The following NBEA variants were observed in gnomAD, a reference collection of about 807,000 sequenced individuals.
NBEA encodes lysosomal-trafficking regulator 2.
Under a neutral mutation model 343.4 loss-of-function variants are expected in NBEA, and 44 were observed. The observed-to-expected ratio is 0.13, with a 90% confidence interval of 0.10 to 0.16. The LOEUF (loss-of-function observed/expected upper bound fraction) is 0.16, where lower values mean the gene tolerates loss of function less well. Ranked by LOEUF, NBEA falls within the 10% of genes least tolerant of loss-of-function variation. The pLI, the probability that NBEA is intolerant of heterozygous loss-of-function variation, is 1.00. For synonymous variants in NBEA, 1,175 were observed against 1,238.7 expected, an observed-to-expected ratio of 0.95 and a Z score of 1.08; for missense variants, 2,555 against 3,631.3, an observed-to-expected ratio of 0.70 and a Z score of 7.62.
intron 46 of NBEA, among the ~76,000 whole-genome samples, chr13:35,586,465 A>T (rs2081295195): frequency 6.6e-6 from 1 of 152,178 alleles, no homozygotes; most frequent in Non-Finnish European, 1.5e-5. Context: ...AACAAACCCA[A>T]ATCTTACTTT....
At chr13:35,558,264 A>G (rs1270045934) in intron 44 of NBEA, among the ~76,000 whole-genome samples, 2 of 152,172 alleles carry the variant, frequency 1.3e-5, no homozygotes, top group African/African-American at 2.4e-5. Context: ...AAGTATTGGA[A>G]TGTATAAAAT....
chr13:35,309,683 A>G, intron 36 of NBEA, 91 bp downstream of exon 36: 1 of 658,190 alleles, frequency 1.5e-6, no homozygotes, highest in Non-Finnish European at 2.5e-6. Flanking sequence ...CCAAAAATGT[A>G]GAAGAAAATG....
At chr13:35,211,030 A>G in intron 32 of NBEA, 23 bp from the exon 33 acceptor site, 1 of 1,543,418 alleles carries the variant, frequency 6.5e-7, no homozygotes, top group South Asian at 1.2e-5. Flanking sequence ...GTTTAAGGCT[A>G]AAAATTATTA....
At chr13:35,118,769 T>C (rs1174432768) in intron 16 of NBEA, among the ~76,000 whole-genome samples, 8 of 152,030 alleles carry the variant, frequency 5.3e-5, no homozygotes, top group African/African-American at 1.9e-4. Context: ...AAGGCACATT[T>C]TACCAAAAGA....
At chr13:35,242,189 T>G (rs764289672) in intron 34 of NBEA, among the ~76,000 whole-genome samples, 10 of 151,872 alleles carry the variant, frequency 6.6e-5, no homozygotes, top group South Asian at 2.1e-4. Flanking sequence ...GAAAAGGTTT[T>G]ATGAACACAA....
chr13:35,028,152 T>C lies in NBEA; in HGVS notation c.295-12781T>C, dbSNP rs1262699640. ...GTTCAAGAAAAAATTTAAGGTATTG[T>C]AATTCCTTTGCCTTTCATATAAAGT... On this transcript the variant is annotated intron_variant, in intron 1 of 58. Coordinates refer to ENST00000379939, the MANE Select transcript of NBEA (RefSeq NM_001385012.1). Among the ~76,000 whole-genome samples, 5 of 151,936 alleles carry C rather than the reference T, an allele frequency of 3.3e-5. No homozygotes were observed. In the East Asian group the frequency reaches 9.6e-4, roughly 29 times the overall value.
chr13:35,562,525 A>G (rs1466903896), intron 44 of NBEA, among the ~76,000 whole-genome samples: 1 of 152,054 alleles, frequency 6.6e-6, no homozygotes. Flanking sequence ...CAGCTAATGA[A>G]TTCAGCACAA....
At chr13:35,151,285 T>C (rs1449889109) in intron 18 of NBEA, among the ~76,000 whole-genome samples, 7 of 152,018 alleles carry the variant, frequency 4.6e-5, no homozygotes, top group Non-Finnish European at 4.4e-5. Context: ...GGCTCACGCC[T>C]ATAATCCCAG....
intron 38 of NBEA, among the ~76,000 whole-genome samples, chr13:35,400,354 A>G (rs554843253): frequency 6.6e-6 from 1 of 152,126 alleles, no homozygotes; most frequent in South Asian, 2.1e-4. Flanking sequence ...ATTAAAACAT[A>G]TATCATAGAA....
rs564885366 is a variant in NBEA at position 35,333,160 on chromosome 13, A to G, written c.5904-15948A>G. On this transcript the variant is annotated intron_variant, in intron 36 of 58. Coordinates refer to ENST00000379939, the MANE Select transcript of NBEA (RefSeq NM_001385012.1). ...TATATGAGACCGAAAGCCAATATGCATGAGAATCATCAAGGGGGAAAAAAG... is the reference window on the plus strand; with the variant it reads ...TATATGAGACCGAAAGCCAATATGCGTGAGAATCATCAAGGGGGAAAAAAG... Among the ~76,000 whole-genome samples the G allele has an allele frequency of 5.3e-5, 8 of 152,264 alleles. No individual in the cohort carries two copies. The South Asian group carries it at 1.7e-3, about 32-fold the overall frequency.
Position 35,154,449 on chromosome 13 carries a change from CAG to C in NBEA, c.2446-1323_2446-1322del, listed in dbSNP as rs1414386085. On this transcript the variant is annotated intron_variant, in intron 18 of 58. Coordinates refer to ENST00000379939, the MANE Select transcript of NBEA (RefSeq NM_001385012.1). ...TAAAGCTAAACAGGAAATTAAATCA[CAG>C]ATATAAAATGATGTCTGTATTAAAT... Among the ~76,000 whole-genome samples, 3 of 152,052 alleles carry C rather than the reference CAG, an allele frequency of 2.0e-5. No homozygotes were observed. In the East Asian group the frequency reaches 5.8e-4, roughly 29 times the overall value.
intron 40 of NBEA, among the ~76,000 whole-genome samples, chr13:35,457,067 A>T (rs2046621786): frequency 1.3e-5 from 2 of 151,836 alleles, no homozygotes; most frequent in Admixed American, 1.3e-4. Flanking sequence ...CTAACTTAAA[A>T]ATTTCACAGG....
chr13:35,316,704 A>G (rs2037753451), intron 36 of NBEA, among the ~76,000 whole-genome samples: 1 of 152,162 alleles, frequency 6.6e-6, no homozygotes, highest in African/African-American at 2.4e-5. Flanking sequence ...ACAGTGGTCA[A>G]ACTAATTTAC....
chr13:34,996,987 T>C (rs1751555094), intron 1 of NBEA, among the ~76,000 whole-genome samples: 1 of 152,106 alleles, frequency 6.6e-6, no homozygotes, highest in African/African-American at 2.4e-5. Flanking sequence ...GATCACTGGA[T>C]TAGTCAGGAA....
At chr13:35,257,550 T>TAAGCTCAAA (rs2032756418) in intron 34 of NBEA, among the ~76,000 whole-genome samples, 1 of 152,190 alleles carries the variant, frequency 6.6e-6, no homozygotes, top group African/African-American at 2.4e-5. Flanking sequence ...CAGTTTCCAT[T>TAAGCTCAAA]TTTACACAAA....
chr13:35,550,715 CAG>C (rs961096865), intron 42 of NBEA, 121 bp downstream of exon 42: 69 of 692,414 alleles, frequency 1.0e-4, no homozygotes, highest in African/African-American at 6.3e-4. Context: ...CTTAAACAAA[CAG>C]AAATTCTTTT....
At chr13:35,640,628 G>C (rs1244348834) in intron 49 of NBEA, among the ~76,000 whole-genome samples, 2 of 152,148 alleles carry the variant, frequency 1.3e-5, no homozygotes, top group East Asian at 3.9e-4. Flanking sequence ...GTATAAAGGA[G>C]AGCCTCATCA....
intron 49 of NBEA, among the ~76,000 whole-genome samples, chr13:35,636,416 T>C (rs773355076): frequency 5.9e-5 from 9 of 152,236 alleles, no homozygotes; most frequent in African/African-American, 1.4e-4. Context: ...ATTCTCACTT[T>C]AGTATACTAA....
chr13:35,510,273 A>G (rs548099785), intron 41 of NBEA, among the ~76,000 whole-genome samples: 2 of 152,278 alleles, frequency 1.3e-5, no homozygotes, highest in Admixed American at 6.5e-5. Context: ...TTTATTCACA[A>G]CTTAAATAAG....
Sources: allele counts gnomAD v4.1 joint callset (sites outside exome capture counted in the v4.1 genomes callset), GRCh38; gene constraint gnomAD v4.1.1; transcripts MANE v1.5; gene names NCBI Gene and HGNC (gene_info 2026-07-23, HGNC 2026-07-21).